Variants in FBXO22 observed in about 807,000 individuals in gnomAD.
The protein encoded by FBXO22 is F-box only protein 22.
In FBXO22, 13 loss-of-function variants were observed where a neutral mutation model predicts 37.2. The ratio of observed to expected loss-of-function variants is 0.35; its 90% confidence interval spans 0.23 to 0.56. The LOEUF (loss-of-function observed/expected upper bound fraction) is 0.56. Ranked by LOEUF, FBXO22 falls within the 20% of genes least tolerant of loss-of-function variation. FBXO22 has a pLI of 0.87. For synonymous variants in FBXO22, 189 were observed against 189.1 expected (o/e 1.00, Z 0.00); for missense variants, 446 against 509.9 (o/e 0.87, Z 1.21).
rs1201177884 is a variant in FBXO22, at chr15:75,933,727, T to A, written c.*625T>A. On this transcript the variant is annotated 3_prime_UTR_variant, in exon 7 of 7. Transcript: ENST00000308275. ...ATTTTTCTTCTTTCCTTAAAAATAT[T>A]TTTTTTTCACCTAGGTCTAAATAGC... The A allele has an allele frequency of 9.8e-6, 3 of 306,130 alleles. No individual in the cohort carries two copies. The highest frequency in any genetic ancestry group is 2.3e-5 in the African/African-American group (1 of 43,666). 19.0% of individuals were successfully genotyped at this position (306,130 alleles called of 1,614,324 possible).
rs1219610950 is a variant in FBXO22, at chr15:75,939,927, C to T, written c.*6825C>T. 1 of 152,040 alleles carries T rather than the reference C, an allele frequency of 6.6e-6. No homozygotes were observed. The highest frequency in any genetic ancestry group is 2.4e-5 in the African/African-American group (1 of 41,418). The allele number at this position is 152,040 out of a possible 1,614,324, so 9.4% of individuals were successfully genotyped here. On this transcript the variant is annotated 3_prime_UTR_variant, in exon 7 of 7. Transcript: ENST00000308275. The stretch of plus-strand genomic sequence containing the variant: ...TGAAAAGCCCACGGTAGACACCATA[C>T]TTAGTGGTGAAAGCTTTTCCTCTAA...
chr15:75,904,547 TA>T lies in FBXO22; in HGVS notation c.199del (p.Thr67ProfsTer22). ...AGAGTATTGCGGACCCATCGGAGCG[TA>T]ACCTGGATCTCCGCAGGCCTGGCGG... ...VRRVLRTHRS[V>X]TWISAGLAEA... is the part of the protein sequence containing the mutation. On this transcript the variant is annotated frameshift_variant, in exon 2 of 7. Coordinates refer to ENST00000308275, the MANE Select transcript of FBXO22 (RefSeq NM_147188.3). LOFTEE classifies it high-confidence loss of function. 6.2e-7 allele frequency: 1 copy of T among 1,613,750 alleles called. No homozygotes were observed. The highest frequency in any genetic ancestry group is 8.5e-7 in the Non-Finnish European group (1 of 1,179,834).
At chr15:75,923,796 A>C (rs1423544050) in intron 5 of FBXO22, among the ~76,000 whole-genome samples, 1 of 152,192 alleles carries the variant, frequency 6.6e-6, no homozygotes. Flanking sequence ...CAGGAGACAC[A>C]GACTGTTGTA....
In FBXO22 at chr15:75,933,175, T is replaced by C; in HGVS notation, c.*73T>C. ...TCAGAAAATGGAAACTTGGGCCATG[T>C]GTATTTCAAACAAAAATAACTTTAG... On this transcript the variant is annotated 3_prime_UTR_variant, in exon 7 of 7. Coordinates refer to ENST00000308275, the MANE Select transcript of FBXO22 (RefSeq NM_147188.3). 1 of 1,306,006 alleles carries C rather than the reference T, an allele frequency of 7.7e-7. No homozygotes were observed. Among genetic ancestry groups the C allele is most frequent in the Non-Finnish European group, 1.1e-6 (1 of 948,540 alleles). 80.9% of individuals were successfully genotyped at this position (1,306,006 alleles called of 1,614,324 possible).
At chr15:75,921,070 A>T (rs988335693) in intron 5 of FBXO22, among the ~76,000 whole-genome samples, 1 of 152,206 alleles carries the variant, frequency 6.6e-6, no homozygotes, top group Non-Finnish European at 1.5e-5. Flanking sequence ...AGTGTAGCCT[A>T]TTGCCCCTAG....
At chr15:75,909,610 GAAA>G (rs1900006268) in intron 2 of FBXO22, among the ~76,000 whole-genome samples, 1 of 152,132 alleles carries the variant, frequency 6.6e-6, no homozygotes, top group African/African-American at 2.4e-5. Flanking sequence ...TTATCATTAT[GAAA>G]ATGAACTTTT....
chr15:75,937,532 AG>A lies in FBXO22; in HGVS notation c.*4431del, dbSNP rs2030494718. On this transcript the variant is annotated 3_prime_UTR_variant, in exon 7 of 7. Transcript: ENST00000308275. ...TCAAAAAAAAAAAAAAAAAAAAAAA[AG>A]CAACTGTCTGAACGAACCTTGTTAG... 6.7e-6 allele frequency: 1 copy of A among 149,338 alleles called. No individual in the cohort carries two copies. The highest frequency in any genetic ancestry group is 1.5e-5 in the Non-Finnish European group (1 of 68,522). 9.3% of individuals were successfully genotyped at this position (149,338 alleles called of 1,614,324 possible). A position where few individuals can be genotyped will look rare whatever the true frequency, so the allele number is the denominator to read the frequency against.
intron 3 of FBXO22, 73 bp from the exon 4 acceptor site, chr15:75,914,036 CT>C: frequency 9.3e-7 from 1 of 1,080,228 alleles, no homozygotes; most frequent in Admixed American, 2.0e-5. Context: ...CCAGTATTTG[CT>C]TTTTTACTTT....
chr15:75,908,892 C>T (rs1306151249), intron 2 of FBXO22, among the ~76,000 whole-genome samples: 1 of 152,192 alleles, frequency 6.6e-6, no homozygotes, highest in Non-Finnish European at 1.5e-5. Flanking sequence ...TCTTGGGCAG[C>T]CCTGGGCCCC....
In FBXO22 at chr15:75,942,495, A is replaced by G. The variant is rs2031099663; in HGVS notation, c.*9393A>G. ...TTTCTGAAAATCTAAAACTTCTAAT[A>G]AAGTCTATTAAAATTATGTGAGAGC... On this transcript the variant is annotated 3_prime_UTR_variant, in exon 7 of 7. Coordinates refer to ENST00000308275, the MANE Select transcript of FBXO22 (RefSeq NM_147188.3). 1 of 152,172 alleles carries G rather than the reference A, an allele frequency of 6.6e-6. No individual in the cohort carries two copies. Among genetic ancestry groups the G allele is most frequent in the Non-Finnish European group, 1.5e-5 (1 of 68,028 alleles). 9.4% of individuals were successfully genotyped at this position (152,172 alleles called of 1,614,324 possible). A position where few individuals can be genotyped will look rare whatever the true frequency, so the allele number is the denominator to read the frequency against.
chr15:75,931,768 C>A (rs911110442), intron 6 of FBXO22, among the ~76,000 whole-genome samples: 1 of 151,978 alleles, frequency 6.6e-6, no homozygotes, highest in Non-Finnish European at 1.5e-5. Flanking sequence ...TTTAAAAAAA[C>A]CAGGCAAATA....
At position 75,940,005 on chromosome 15, in the gene FBXO22, C is replaced by A. The variant is rs1400979209; in HGVS notation, c.*6903C>A. On this transcript the variant is annotated 3_prime_UTR_variant, in exon 7 of 7. Coordinates refer to ENST00000308275, the MANE Select transcript of FBXO22 (RefSeq NM_147188.3). ...CCTATTCAACACAGTACTAGGAGTT[C>A]TAGCCTGAGCTAGAAAAAGAAAAGA... 1 of 151,868 alleles carries A rather than the reference C, an allele frequency of 6.6e-6. No homozygotes were observed. Among genetic ancestry groups the A allele is most frequent in the African/African-American group, 2.4e-5 (1 of 41,362 alleles). 9.4% of individuals were successfully genotyped at this position (151,868 alleles called of 1,614,324 possible).
chr15:75,928,635 T>C (rs1486019376), intron 5 of FBXO22, among the ~76,000 whole-genome samples: 1 of 152,012 alleles, frequency 6.6e-6, no homozygotes, highest in Non-Finnish European at 1.5e-5. Context: ...TAATGGAGAA[T>C]GGGCTTATTA....
Position 75,929,901 on chromosome 15 carries a change from G to A in FBXO22, c.646G>A (p.Glu216Lys). Residue 216 changes from glutamate (E) to lysine (K), a missense_variant, in exon 6 of 7, where the codon GAA becomes AAA. Glu to Lys is a moderately conservative substitution (Grantham distance 56, BLOSUM62 1). Coordinates refer to ENST00000308275, the MANE Select transcript of FBXO22 (RefSeq NM_147188.3). ...LTEVGLLDNP[E>K]LRVVLVFGYN... The stretch of plus-strand genomic sequence containing the variant: ...CTCTGCAGGTCTTTTAGATAACCCT[G>A]AACTTCGTGTGGTCCTTGTCTTTGG... 1 of 1,614,024 alleles carries A rather than the reference G, an allele frequency of 6.2e-7. No individual in the cohort carries two copies. The highest frequency in any genetic ancestry group is 8.5e-7 in the Non-Finnish European group (1 of 1,179,946).
chr15:75,906,446 T>C (rs186257054), intron 2 of FBXO22, among the ~76,000 whole-genome samples: 14 of 152,306 alleles, frequency 9.2e-5, no homozygotes, highest in Admixed American at 2.6e-4. Context: ...TATTTCTATA[T>C]ATATGTGGAG....
intron 4 of FBXO22, 27 bp downstream of exon 4, chr15:75,914,232 T>G: frequency 6.5e-7 from 1 of 1,533,756 alleles, no homozygotes. Flanking sequence ...ACTTGATGAT[T>G]TCTTCCTTGC....
At chr15:75,925,178 TC>T (rs1900411653) in intron 5 of FBXO22, among the ~76,000 whole-genome samples, 1 of 152,208 alleles carries the variant, frequency 6.6e-6, no homozygotes, top group African/African-American at 2.4e-5. Flanking sequence ...TCTGGTCTGA[TC>T]TAGCTTCTGT....
At position 75,922,969 on chromosome 15, in the gene FBXO22, C is replaced by G. The variant is rs1410193228; in HGVS notation, c.628+5575C>G. Reference sequence around the variant, plus strand: ...AGAAGAAATTGGGAAAAATCAAACCCCATTAGAGATGCTTGTTTTGGCTGT... The same window carrying G: ...AGAAGAAATTGGGAAAAATCAAACCGCATTAGAGATGCTTGTTTTGGCTGT... On this transcript the variant is annotated intron_variant, in intron 5 of 6. Transcript: ENST00000308275. Among the ~76,000 whole-genome samples, 3 of 152,084 alleles carry G rather than the reference C, an allele frequency of 2.0e-5. No individual in the cohort carries two copies. In the East Asian group the frequency reaches 5.8e-4, roughly 29 times the overall value.
At position 75,933,265 on chromosome 15, in the gene FBXO22, A is replaced by C; in HGVS notation, c.*163A>C. 1.6e-6 allele frequency: 1 copy of C among 631,190 alleles called. No homozygotes were observed. The allele number at this position is 631,190 out of a possible 1,614,324, so 39.1% of individuals were successfully genotyped here. On this transcript the variant is annotated 3_prime_UTR_variant, in exon 7 of 7. Transcript: ENST00000308275. The stretch of plus-strand genomic sequence containing the variant: ...ACATGAGGGTAGTATTTAATATATT[A>C]GATGAAGGACAACTTTGGACATAAC...
Sources: allele counts gnomAD v4.1 joint callset (sites outside exome capture counted in the v4.1 genomes callset), GRCh38; gene constraint gnomAD v4.1.1; transcripts MANE v1.5; gene names NCBI Gene and HGNC (gene_info 2026-07-23, HGNC 2026-07-21).